The following MSR1 variants were observed in gnomAD, a reference collection of about 807,000 sequenced individuals.
MSR1 encodes macrophage scavenger receptor 1.
MSR1 carries 53 observed loss-of-function variants against 47.2 expected under a neutral mutation model. The ratio of observed to expected loss-of-function variants is 1.12; its 90% CI spans 0.90 to 1.41. The LOEUF (loss-of-function observed/expected upper bound fraction) is 1.41. Among genes scored for constraint, MSR1 ranks in the 40% most tolerant of loss-of-function variants. MSR1 has a pLI of 0.00. For missense variants in MSR1, 786 were observed against 546.9 expected (o/e 1.44, Z -4.36); for synonymous variants, 239 against 185.6 (o/e 1.29, Z -2.34).
rs971901279 is a variant in MSR1, at chr8:16,109,376, T to G, written c.*709A>C. The stretch of plus-strand genomic sequence containing the variant: ...AAAGTGCATAACAAACTAAACTTCC[T>G]GTTAAGTGGCATTTTTGATCCACCA... On this transcript the variant is annotated 3_prime_UTR_variant, in exon 10 of 10. Transcript: ENST00000262101. 5.9e-5 allele frequency: 9 copies of G among 152,192 alleles called. No homozygotes were observed. Among genetic ancestry groups the G allele is most frequent in the African/African-American group, 2.2e-4 (9 of 41,446 alleles). The allele number at this position is 152,192 out of a possible 1,614,324, so 9.4% of individuals were successfully genotyped here.
In MSR1 at chr8:16,185,926, C is replaced by A. The variant is rs535572779; in HGVS notation, c.-5+6672G>T. ...GTGAGTAGAGGAAGAAGACTCAGCA[C>A]AAAAGACAAGGAAGAACTTTTTGAC... On this transcript the variant is annotated intron_variant, in intron 1 of 9. Coordinates refer to ENST00000262101, the MANE Select transcript of MSR1 (RefSeq NM_138715.3). Among the ~76,000 whole-genome samples, 5 of 149,654 alleles carry A rather than the reference C, an allele frequency of 3.3e-5. No individual in the cohort carries two copies. The East Asian group carries it at 9.8e-4, about 29-fold the overall frequency.
intron 1 of MSR1, among the ~76,000 whole-genome samples, chr8:16,179,607 C>G (rs778265310): frequency 6.6e-6 from 1 of 152,006 alleles, no homozygotes; most frequent in Non-Finnish European, 1.5e-5. Context: ...TGGCCGGGCA[C>G]AGTGGCTCAC....
At chr8:16,131,854 T>C (rs1800268140) in intron 8 of MSR1, among the ~76,000 whole-genome samples, 1 of 152,104 alleles carries the variant, frequency 6.6e-6, no homozygotes, top group Non-Finnish European at 1.5e-5. Context: ...TCTGTTTTTG[T>C]ACTAGTACCA....
At position 16,175,253 on chromosome 8, in the gene MSR1, C is replaced by G. The variant is rs867412653; in HGVS notation, c.151G>C (p.Ala51Pro). The change falls in exon 3 of 10, where the codon GCT (alanine) becomes CCT (proline). Residue 51 changes from alanine to proline, a missense_variant. Coordinates refer to ENST00000262101, the MANE Select transcript of MSR1 (RefSeq NM_138715.3). ...AGGAGGTAAAGGGCAATCAGTGCAG[C>G]TTTGAAGGACTTCAGTTTCTCTTGA... ...SLQEKLKSFK[A>P]ALIALYLLVF... 1.9e-6 allele frequency: 3 copies of G among 1,614,032 alleles called. No homozygotes were observed. The highest frequency in any genetic ancestry group is 2.5e-6 in the Non-Finnish European group (3 of 1,179,992).
rs577326506 is a variant in MSR1 at position 16,184,673 on chromosome 8, G to C, written c.-4-6681C>G. Among the ~76,000 whole-genome samples the C allele has an allele frequency of 6.6e-5, 10 of 152,242 alleles. No individual in the cohort carries two copies. The South Asian group carries it at 1.9e-3, about 28-fold the overall frequency. On this transcript the variant is annotated intron_variant, in intron 1 of 9. Coordinates refer to ENST00000262101, the MANE Select transcript of MSR1 (RefSeq NM_138715.3). The stretch of plus-strand genomic sequence containing the variant: ...TAAAAATTTATTGTTTGCTTTGGCA[G>C]TAGTGACCTGGATTAATATTATTAG...
At chr8:16,159,247 A>G (rs1054963004) in intron 5 of MSR1, among the ~76,000 whole-genome samples, 5 of 151,952 alleles carry the variant, frequency 3.3e-5, no homozygotes, top group Non-Finnish European at 7.4e-5. Context: ...TATATCTAAA[A>G]TGTTTCCAAA....
chr8:16,133,501 GT>G (rs1800313413), intron 8 of MSR1, among the ~76,000 whole-genome samples: 1 of 152,078 alleles, frequency 6.6e-6, no homozygotes. Context: ...TTTCCTGGGA[GT>G]TTACTGTTAA....
At chr8:16,138,269 C>A (rs917586648) in intron 8 of MSR1, among the ~76,000 whole-genome samples, 7 of 152,076 alleles carry the variant, frequency 4.6e-5, no homozygotes, top group African/African-American at 1.7e-4. Flanking sequence ...TAGGACAGAG[C>A]CTCACACAAG....
At chr8:16,135,501 CA>C (rs201396098) in intron 8 of MSR1, among the ~76,000 whole-genome samples, 1,780 of 152,244 alleles carry the variant, frequency 0.012, 21 homozygotes, top group Non-Finnish European at 0.018. Flanking sequence ...ATTGAGAGTG[CA>C]CCTGGTCACC....
intron 1 of MSR1, among the ~76,000 whole-genome samples, chr8:16,182,768 C>T (rs2117224467): frequency 6.6e-6 from 1 of 152,190 alleles, no homozygotes; most frequent in East Asian, 1.9e-4. Context: ...TCCAGAATAC[C>T]TCCTAAAGGA....
At position 16,109,978 on chromosome 8, in the gene MSR1, C is replaced by A; in HGVS notation, c.*107G>T. ...CCTGTAATCTAAAATATTATTTGGG[C>A]AATATTCTTAATCTCTTAAATATTG... On this transcript the variant is annotated 3_prime_UTR_variant, in exon 10 of 10. Coordinates refer to ENST00000262101, the MANE Select transcript of MSR1 (RefSeq NM_138715.3). 7.6e-7 allele frequency: 1 copy of A among 1,322,608 alleles called. No homozygotes were observed. 81.9% of individuals were successfully genotyped at this position (1,322,608 alleles called of 1,614,324 possible).
intron 1 of MSR1, among the ~76,000 whole-genome samples, chr8:16,180,730 A>G (rs1417287585): frequency 6.6e-6 from 1 of 152,158 alleles, no homozygotes; most frequent in Non-Finnish European, 1.5e-5. Flanking sequence ...AGTGACATGC[A>G]AGGATATGAC....
intron 8 of MSR1, among the ~76,000 whole-genome samples, chr8:16,130,659 C>T (rs973769842): frequency 2.4e-4 from 36 of 151,982 alleles, no homozygotes; most frequent in Admixed American, 4.6e-4. Flanking sequence ...GTAGACCCCA[C>T]TGTCTGTTGT....
At chr8:16,131,101 A>T (rs1301501006) in intron 8 of MSR1, among the ~76,000 whole-genome samples, 1 of 152,094 alleles carries the variant, frequency 6.6e-6, no homozygotes, top group Non-Finnish European at 1.5e-5. Context: ...CCATGAGCAG[A>T]CGATAAGCAT....
intron 1 of MSR1, among the ~76,000 whole-genome samples, chr8:16,184,856 A>C (rs1184522771): frequency 6.6e-6 from 1 of 151,932 alleles, no homozygotes; most frequent in Non-Finnish European, 1.5e-5. Flanking sequence ...GGATTACTAT[A>C]TTTTAAACCG....
At chr8:16,141,395 A>G (rs1800553781) in intron 8 of MSR1, among the ~76,000 whole-genome samples, 1 of 152,178 alleles carries the variant, frequency 6.6e-6, no homozygotes, top group East Asian at 1.9e-4. Context: ...TTTAGTGTTC[A>G]GGACTAGAGG....
intron 5 of MSR1, among the ~76,000 whole-genome samples, chr8:16,157,280 A>G (rs1270910806): frequency 6.6e-6 from 1 of 151,910 alleles, no homozygotes; most frequent in Non-Finnish European, 1.5e-5. Context: ...ATTACTAACT[A>G]TCCTTTCAAT....
intron 8 of MSR1, among the ~76,000 whole-genome samples, chr8:16,127,039 T>A (rs1232986860): frequency 1.3e-5 from 2 of 152,214 alleles, no homozygotes; most frequent in African/African-American, 4.8e-5. Context: ...TCTTAAAAAT[T>A]CAAATTTCTG....
intron 1 of MSR1, among the ~76,000 whole-genome samples, chr8:16,189,724 A>G (rs1299282770): frequency 2.0e-5 from 1 of 48,978 alleles, no homozygotes; most frequent in Non-Finnish European, 4.0e-5. Context: ...TATTTTATAT[A>G]TATTTTATAT....
Sources: gnomAD v4.1 joint callset for allele counts (sites outside exome capture counted in the v4.1 genomes callset) on GRCh38, gnomAD v4.1.1 for gene constraint, MANE v1.5 for transcripts, NCBI Gene and HGNC (gene_info 2026-07-23, HGNC 2026-07-21) for gene names.